Variants in SOX6 observed in about 807,000 individuals in gnomAD.
SOX6 encodes transcription factor SOX-6.
A neutral mutation model predicts 97.8 loss-of-function variants in SOX6; 11 were observed. That is an observed-to-expected ratio of 0.11 (90% CI 0.07 to 0.19). The LOEUF (loss-of-function observed/expected upper bound fraction) is 0.19, where lower values mean the gene tolerates loss of function less well. Ranked by LOEUF, SOX6 falls within the 10% of genes least tolerant of loss-of-function variation. The probability of loss-of-function intolerance (pLI) is 1.00; values close to 1 mark genes in which losing one functional copy is unlikely to be tolerated. For synonymous variants in SOX6, 360 were observed against 371.4 expected (o/e 0.97, Z 0.35); for missense variants, 810 against 1,039.5 (o/e 0.78, Z 3.04).
chr11:16,484,549 G>A, intron 4 of SOX6: 2 of 771,382 alleles, frequency 2.6e-6, no homozygotes, highest in Non-Finnish European at 4.8e-6. Context: ...AGTCGAGATG[G>A]CAGTACCTGA....
At chr11:16,716,913 G>A (rs1260634691) in intron 2 of SOX6, among the ~76,000 whole-genome samples, 1 of 152,100 alleles carries the variant, frequency 6.6e-6, no homozygotes, top group African/African-American at 2.4e-5. Context: ...TAGTAATTGG[G>A]AAGGAAGGAA....
At chr11:16,030,071 G>C (rs1251928119) in intron 12 of SOX6, among the ~76,000 whole-genome samples, 3 of 152,144 alleles carry the variant, frequency 2.0e-5, no homozygotes, top group Non-Finnish European at 4.4e-5. Context: ...CTTCTCGACT[G>C]CTTCGGGATC....
intron 4 of SOX6, among the ~76,000 whole-genome samples, chr11:16,560,816 CT>C (rs548019886): frequency 7.2e-4 from 110 of 152,174 alleles, no homozygotes; most frequent in African/African-American, 2.6e-3. Context: ...TATTTCATTT[CT>C]TTTTATGGCT....
intron 3 of SOX6, among the ~76,000 whole-genome samples, chr11:16,641,003 G>T (rs945463829): frequency 6.6e-6 from 1 of 152,054 alleles, no homozygotes; most frequent in Non-Finnish European, 1.5e-5. Flanking sequence ...TGTGATGTTA[G>T]GTTGTCCATT....
chr11:16,549,022 A>G (rs1450470687), intron 4 of SOX6, among the ~76,000 whole-genome samples: 2 of 152,208 alleles, frequency 1.3e-5, no homozygotes, highest in African/African-American at 4.8e-5. Flanking sequence ...AATTAAAAAT[A>G]ATAATAAATT....
At position 16,055,888 on chromosome 11, in the gene SOX6, G is replaced by A. The variant is rs765478671; in HGVS notation, c.1115C>T (p.Ala372Val). Residue 372 changes from alanine to valine, a missense_variant, in exon 10 of 16, where the codon GCT (alanine) becomes GTT (valine). Ala to Val is a moderately conservative substitution (Grantham distance 64). Transcript: ENST00000683767. Reference protein sequence around the residue: ...NHKQIEQLYAAQLASMQVSPG... With the variant: ...NHKQIEQLYAVQLASMQVSPG... ...TGACACCTGCATGCTGGCCAGCTGA[G>A]CGGCATAGAGCTGCTGCAAAACAGG... 1.2e-6 allele frequency: 2 copies of A among 1,613,552 alleles called. No individual in the cohort carries two copies. The highest frequency in any genetic ancestry group is 1.7e-6 in the Non-Finnish European group (2 of 1,179,782).
At chr11:16,520,921 G>C (rs1022247173) in intron 4 of SOX6, among the ~76,000 whole-genome samples, 1 of 152,230 alleles carries the variant, frequency 6.6e-6, no homozygotes, top group African/African-American at 2.4e-5. Context: ...CAGCGAGGCT[G>C]GGGGAGGGGT....
At chr11:16,078,364 A>G (rs570835812) in intron 9 of SOX6, among the ~76,000 whole-genome samples, 116 of 152,322 alleles carry the variant, frequency 7.6e-4, no homozygotes, top group Non-Finnish European at 1.3e-3. Flanking sequence ...ATTAGATTTG[A>G]AATCTAAGTA....
chr11:16,361,014 AG>A, upstream of SOX6, among the ~76,000 whole-genome samples: 1 of 121,300 alleles, frequency 8.2e-6, no homozygotes, highest in East Asian at 3.7e-4. Context: ...AAAAAAAAAA[AG>A]AAGAAGAAGA....
At chr11:16,622,970 T>C (rs1463694119) in intron 3 of SOX6, among the ~76,000 whole-genome samples, 1 of 152,118 alleles carries the variant, frequency 6.6e-6, no homozygotes, top group Non-Finnish European at 1.5e-5. Flanking sequence ...CCTAAAAAAG[T>C]AAGGTAGTAT....
rs563980002 is a variant in SOX6, at chr11:16,523,037, C to A, written n.610-46649G>T. Among the ~76,000 whole-genome samples the A allele has an allele frequency of 3.3e-5, 5 of 152,166 alleles. No homozygotes were observed. In the East Asian group the frequency reaches 5.8e-4, roughly 18 times the overall value. On this transcript the variant is annotated intron_variant and non_coding_transcript_variant, in intron 4 of 5. Transcript: ENST00000524520. ...ACTCCCACACAATAATAATGGGAGA[C>A]TTTAACACCCCACTGTCAACATTAG...
At chr11:16,479,988 T>TATAACACTACTCTGTA (rs1860315055), upstream of SOX6, among the ~76,000 whole-genome samples, 2 of 152,098 alleles carry the variant, frequency 1.3e-5, no homozygotes, top group Non-Finnish European at 2.9e-5. Flanking sequence ...GCTACATACA[T>TATAACACTACTCTGTA]ATAACACTAC....
At chr11:16,363,038 G>A (rs1857249532) in intron 1 of SOX6, among the ~76,000 whole-genome samples, 1 of 152,164 alleles carries the variant, frequency 6.6e-6, no homozygotes. Flanking sequence ...ATATGTATAT[G>A]CTTGACACTG....
intron 3 of SOX6, among the ~76,000 whole-genome samples, chr11:16,676,741 C>A (rs762199472): frequency 3.3e-5 from 5 of 152,156 alleles, no homozygotes; most frequent in Non-Finnish European, 7.4e-5. Context: ...ACAACAACAA[C>A]AAAAACCTCC....
chr11:16,002,932 C>T (rs569530323), intron 13 of SOX6, among the ~76,000 whole-genome samples: 1 of 152,272 alleles, frequency 6.6e-6, no homozygotes, highest in South Asian at 2.1e-4. Context: ...TTGCCTTAGC[C>T]TTCACTATCT....
chr11:16,568,283 G>A (rs1303842690), intron 4 of SOX6, among the ~76,000 whole-genome samples: 2 of 152,134 alleles, frequency 1.3e-5, no homozygotes, highest in African/African-American at 4.8e-5. Flanking sequence ...GTAGTGATGT[G>A]CTATAAAATA....
At chr11:16,411,385 G>C (rs539584416) in intron 1 of SOX6, among the ~76,000 whole-genome samples, 1 of 152,086 alleles carries the variant, frequency 6.6e-6, no homozygotes, top group Non-Finnish European at 1.5e-5. Context: ...ACTTAAATCT[G>C]AGGCTCTTAT....
intron 4 of SOX6, among the ~76,000 whole-genome samples, chr11:16,227,027 G>A (rs963802436): frequency 6.6e-6 from 1 of 151,994 alleles, no homozygotes; most frequent in East Asian, 1.9e-4. Context: ...CTTTCTGAGC[G>A]ACCCTGAACA....
intron 4 of SOX6, among the ~76,000 whole-genome samples, chr11:16,537,596 G>A (rs1026075184): frequency 6.6e-6 from 1 of 152,158 alleles, no homozygotes; most frequent in Non-Finnish European, 1.5e-5. Context: ...TAGATGAATG[G>A]CTACATAGAA....
Sources: allele counts gnomAD v4.1 joint callset (sites outside exome capture counted in the v4.1 genomes callset), GRCh38; gene constraint gnomAD v4.1.1; transcripts MANE v1.5; gene names NCBI Gene and HGNC (gene_info 2026-07-23, HGNC 2026-07-21).